CNTNAP5: variants seen among roughly 807,000 people sequenced by gnomAD.
The protein encoded by CNTNAP5 is contactin-associated protein-like 5.
A neutral mutation model predicts 150.2 loss-of-function variants in CNTNAP5; 72 were observed. The ratio of observed to expected loss-of-function variants is 0.48; its 90% CI spans 0.40 to 0.58. CNTNAP5 has a LOEUF of 0.58. CNTNAP5 is among the 20% of genes least tolerant of loss of function. CNTNAP5 has a pLI of 0.00. For missense variants in CNTNAP5, 1,636 were observed against 1,626.2 expected, an observed-to-expected ratio of 1.01 and a Z score of -0.10; for synonymous variants, 672 against 619.8, an observed-to-expected ratio of 1.08 and a Z score of -1.25.
At chr2:124,509,550 G>A (rs972671714) in intron 8 of CNTNAP5, among the ~76,000 whole-genome samples, 2 of 152,072 alleles carry the variant, frequency 1.3e-5, no homozygotes, top group Admixed American at 6.5e-5. Flanking sequence ...TTTATCAGGC[G>A]GTTAGTATAC....
In CNTNAP5 at chr2:124,722,719, T is replaced by C. The variant is rs75447979; in HGVS notation, c.2078-24510T>C. 1.3e-3 allele frequency among the ~76,000 whole-genome samples: 205 copies of C among 152,226 alleles called. 6 individuals carry two copies. In the East Asian group the frequency reaches 0.038, roughly 29 times the overall value. ...GTAGCCTCAACCTCAGAAAATGAAT[T>C]GGAGGCAGCCTTGACCCCTGAGCCT... On this transcript the variant is annotated intron_variant, in intron 13 of 23. Transcript: ENST00000682447.
At chr2:124,166,997 G>A (rs928359799) in intron 1 of CNTNAP5, among the ~76,000 whole-genome samples, 1 of 151,784 alleles carries the variant, frequency 6.6e-6, no homozygotes, top group Non-Finnish European at 1.5e-5. Context: ...CTTAACTCTT[G>A]TATATATGAA....
At chr2:124,684,192 C>T (rs1233031993) in intron 13 of CNTNAP5, among the ~76,000 whole-genome samples, 3 of 152,110 alleles carry the variant, frequency 2.0e-5, no homozygotes, top group Admixed American at 2.0e-4. Context: ...AGCTGTCATT[C>T]TGTGGTGGAG....
intron 8 of CNTNAP5, among the ~76,000 whole-genome samples, chr2:124,523,967 T>A (rs529592023): frequency 6.6e-6 from 1 of 152,156 alleles, no homozygotes; most frequent in African/African-American, 2.4e-5. Context: ...TTTTTGTTTT[T>A]TTTTTTTCCT....
intron 19 of CNTNAP5, among the ~76,000 whole-genome samples, chr2:124,809,289 A>G (rs903735036): frequency 6.6e-5 from 10 of 152,218 alleles, no homozygotes; most frequent in African/African-American, 2.4e-4. Flanking sequence ...TAATGGAGAA[A>G]CAGAGGTGAT....
chr2:124,734,794 A>C (rs910930855), intron 13 of CNTNAP5, among the ~76,000 whole-genome samples: 2 of 152,142 alleles, frequency 1.3e-5, no homozygotes, highest in African/African-American at 4.8e-5. Flanking sequence ...ACCTAAAACT[A>C]AGTAGCTCAT....
chr2:124,633,725 G>C (rs1449674354), intron 12 of CNTNAP5, among the ~76,000 whole-genome samples: 2 of 152,186 alleles, frequency 1.3e-5, no homozygotes, highest in Non-Finnish European at 2.9e-5. Context: ...TCTATCCCTG[G>C]AGCAGGTTTT....
intron 13 of CNTNAP5, among the ~76,000 whole-genome samples, chr2:124,738,487 C>T (rs1270339778): frequency 1.3e-5 from 2 of 152,084 alleles, no homozygotes; most frequent in African/African-American, 2.4e-5. Flanking sequence ...AATCTCAGCA[C>T]TTTGGGAGGT....
In CNTNAP5 at chr2:124,655,923, AAGAGAGAG is replaced by A. The variant is rs138857798; in HGVS notation, c.2077+7983_2077+7990del. On this transcript the variant is annotated intron_variant, in intron 13 of 23. Transcript: ENST00000682447. ...TGGAAAGAAAAGAAAGAAAGACAGA[AAGAGAGAG>A]AGAGAGAGAGAGAGAGAAAGAAAGA... is the stretch of plus-strand genomic sequence containing the variant. Among the ~76,000 whole-genome samples, 722 of 105,934 alleles carry A rather than the reference AAGAGAGAG, an allele frequency of 6.8e-3. 21 individuals are homozygous for A. The highest frequency in any genetic ancestry group is 0.012 in the African/African-American group (327 of 27,184). 69.5% of individuals were successfully genotyped at this position (105,934 alleles called of 152,430 possible).
At position 124,608,983 on chromosome 2, in the gene CNTNAP5, G is replaced by A. The variant is rs552001377; in HGVS notation, c.1757-818G>A. Among the ~76,000 whole-genome samples the A allele has an allele frequency of 4.6e-5, 7 of 151,908 alleles. No homozygotes were observed. The South Asian group carries it at 1.2e-3, about 27-fold the overall frequency. On this transcript the variant is annotated intron_variant, in intron 11 of 23. Transcript: ENST00000682447. ...AGAAAAAGTCTTTAATTAGTAAAAA[G>A]CCATACTGTATGTAAGCAGTAATTT...
intron 3 of CNTNAP5, among the ~76,000 whole-genome samples, chr2:124,358,618 A>G (rs1573939392): frequency 6.6e-6 from 1 of 152,168 alleles, no homozygotes; most frequent in South Asian, 2.1e-4. Flanking sequence ...ACTGATTTGC[A>G]TATATTGAAC....
intron 3 of CNTNAP5, among the ~76,000 whole-genome samples, chr2:124,276,013 T>C (rs1687876606): frequency 6.6e-6 from 1 of 152,126 alleles, no homozygotes; most frequent in Admixed American, 6.6e-5. Flanking sequence ...TTTTCTTTAT[T>C]TGTTTGTTTT....
At chr2:124,270,697 G>A (rs370844797) in intron 3 of CNTNAP5, among the ~76,000 whole-genome samples, 4 of 150,172 alleles carry the variant, frequency 2.7e-5, no homozygotes, top group African/African-American at 4.9e-5. Context: ...GCGTGCTTGC[G>A]TGCATGTGTG....
At chr2:124,417,405 T>C (rs1322144262) in intron 3 of CNTNAP5, 38 bp from the exon 4 acceptor site, 1 of 1,594,644 alleles carries the variant, frequency 6.3e-7, no homozygotes, top group South Asian at 1.1e-5. Context: ...AATTCCATGA[T>C]AGCACAGACC....
intron 1 of CNTNAP5, among the ~76,000 whole-genome samples, chr2:124,046,445 A>G (rs1346436582): frequency 3.3e-5 from 5 of 151,622 alleles, no homozygotes; most frequent in African/African-American, 1.2e-4. Flanking sequence ...AAAAAAAAAA[A>G]AAAACAGAGA....
chr2:124,616,719 G>C (rs1265804056), intron 12 of CNTNAP5, among the ~76,000 whole-genome samples: 2 of 152,152 alleles, frequency 1.3e-5, no homozygotes, highest in Non-Finnish European at 2.9e-5. Flanking sequence ...TAAAATGAGA[G>C]ATGTGCCACT....
chr2:124,036,370 G>T (rs961562086), intron 1 of CNTNAP5, among the ~76,000 whole-genome samples: 4 of 152,010 alleles, frequency 2.6e-5, no homozygotes, highest in Non-Finnish European at 5.9e-5. Context: ...TGGATGAGCT[G>T]TGGGTTACAA....
At chr2:124,259,897 C>T (rs1261355987) in intron 3 of CNTNAP5, among the ~76,000 whole-genome samples, 1 of 152,186 alleles carries the variant, frequency 6.6e-6, no homozygotes, top group Non-Finnish European at 1.5e-5. Context: ...ACATTCCATG[C>T]TCATGTGTAG....
chr2:124,446,733 C>T lies in CNTNAP5; in HGVS notation c.734-20C>T. 1 of 1,607,142 alleles carries T rather than the reference C, an allele frequency of 6.2e-7. No homozygotes were observed. The highest frequency in any genetic ancestry group is 1.1e-5 in the South Asian group (1 of 90,246). On this transcript the variant is annotated intron_variant, in intron 5 of 23. Coordinates refer to ENST00000682447, the MANE Select transcript of CNTNAP5 (RefSeq NM_001367498.1). Reference sequence around the variant, plus strand: ...GCCCTTGGACACAGACATCATCTTGCCTCTCTCCCCTCTTCACAGGTGACA... The same window carrying T: ...GCCCTTGGACACAGACATCATCTTGTCTCTCTCCCCTCTTCACAGGTGACA...
Sources: gnomAD v4.1 joint callset for allele counts (sites outside exome capture counted in the v4.1 genomes callset) on GRCh38, gnomAD v4.1.1 for gene constraint, MANE v1.5 for transcripts, NCBI Gene and HGNC (gene_info 2026-07-23, HGNC 2026-07-21) for gene names.